Variants in PCDHGA5 observed in about 807,000 individuals in gnomAD.
PCDHGA5 encodes the protein protocadherin gamma-A5.
Under a neutral mutation model 56.7 loss-of-function variants are expected in PCDHGA5, and 36 were observed. The ratio of observed to expected loss-of-function variants is 0.64; its 90% CI spans 0.49 to 0.84. The LOEUF (loss-of-function observed/expected upper bound fraction) is 0.84, where lower values mean the gene tolerates loss of function less well. PCDHGA5 is among the 40% of genes least tolerant of loss of function. PCDHGA5 has a pLI of 0.00. For synonymous variants in PCDHGA5, 563 were observed against 520.2 expected (o/e 1.08, Z -1.12); for missense variants, 1,305 against 1,201.5 (o/e 1.09, Z -1.27).
At chr5:141,415,347 C>G in intron 1 of PCDHGA5, 1 of 1,614,238 alleles carries the variant, frequency 6.2e-7, no homozygotes, top group South Asian at 1.1e-5. Flanking sequence ...GGCGCTGGCA[C>G]AAGTCACGCC....
At chr5:141,457,929 C>T (rs1207409757) in intron 1 of PCDHGA5, among the ~76,000 whole-genome samples, 2 of 152,194 alleles carry the variant, frequency 1.3e-5, no homozygotes, top group Non-Finnish European at 2.9e-5. Context: ...CCCCAAGGGG[C>T]TTTTATTGGC....
chr5:141,465,313 T>C (rs113508011), intron 1 of PCDHGA5, among the ~76,000 whole-genome samples: 5 of 152,312 alleles, frequency 3.3e-5, no homozygotes, highest in Admixed American at 6.5e-5. Context: ...AATTTAGCCA[T>C]GTCAATGCAG....
intron 1 of PCDHGA5, among the ~76,000 whole-genome samples, chr5:141,401,496 C>T (rs909382274): frequency 6.6e-6 from 1 of 152,190 alleles, no homozygotes; most frequent in African/African-American, 2.4e-5. Context: ...GATGCAAAAT[C>T]CTTTTCCACC....
intron 1 of PCDHGA5, chr5:141,428,078 C>A (rs747287202): frequency 1.2e-6 from 2 of 1,609,216 alleles, no homozygotes; most frequent in Admixed American, 3.3e-5. Flanking sequence ...ATTCGGGACA[C>A]AACGCTTGGC....
chr5:141,477,223 T>C lies in PCDHGA5; in HGVS notation c.2422-17584T>C. The C allele has an allele frequency of 6.2e-7, 1 of 1,614,198 alleles. No homozygotes were observed. On this transcript the variant is annotated intron_variant, in intron 1 of 3. Coordinates refer to ENST00000518069, the MANE Select transcript of PCDHGA5 (RefSeq NM_018918.3). This position sits in a 1 kb window ranked among gnomAD's most constrained non-coding sequence, Gnocchi z 4.9. ...TACCCGAGGATGCCCCTCTGGGGAC[T>C]GTCATCGCTTTGCTCAGTGTGACTG... is the stretch of plus-strand genomic sequence containing the variant.
At chr5:141,404,601 T>G (rs2094545274) in intron 1 of PCDHGA5, 2 of 1,614,056 alleles carry the variant, frequency 1.2e-6, no homozygotes, top group Admixed American at 1.7e-5. Context: ...TCATTGAGAC[T>G]GTTTGTTTTG....
At chr5:141,376,753 C>A in intron 1 of PCDHGA5, 1 of 450,078 alleles carries the variant, frequency 2.2e-6, no homozygotes, top group South Asian at 2.7e-5. Flanking sequence ...GTGGCGCAAT[C>A]TCGGCTCACT....
intron 1 of PCDHGA5, chr5:141,404,392 T>C (rs759142051): frequency 3.1e-6 from 5 of 1,613,820 alleles, no homozygotes; most frequent in African/African-American, 1.3e-5. Flanking sequence ...ATGACCCTGA[T>C]AGCAATGAGA....
chr5:141,394,613 G>A (rs1402834373), intron 1 of PCDHGA5: 1 of 1,613,570 alleles, frequency 6.2e-7, no homozygotes, highest in Admixed American at 1.7e-5. Context: ...ACTCGGGCCA[G>A]AACGCCTGGC....
intron 1 of PCDHGA5, among the ~76,000 whole-genome samples, chr5:141,446,698 G>C (rs750413432): frequency 1.3e-5 from 2 of 152,070 alleles, no homozygotes; most frequent in African/African-American, 4.8e-5. Flanking sequence ...GGCTGGTCTC[G>C]AACTCTGATC....
intron 2 of PCDHGA5, among the ~76,000 whole-genome samples, chr5:141,503,682 G>A (rs1430771639): frequency 1.3e-5 from 2 of 151,974 alleles, no homozygotes; most frequent in South Asian, 4.1e-4. Flanking sequence ...CTTTTGGGAA[G>A]GAGAATTGAG....
At chr5:141,471,111 C>T (rs529680278) in intron 1 of PCDHGA5, among the ~76,000 whole-genome samples, 1 of 146,150 alleles carries the variant, frequency 6.8e-6, no homozygotes, top group African/African-American at 2.6e-5. Flanking sequence ...TGCAGTGGTG[C>T]GATCTTACCT....
Position 141,505,566 on chromosome 5 carries a change from A to G in PCDHGA5, c.2569+85A>G, listed in dbSNP as rs1363426407. 1.4e-5 allele frequency: 22 copies of G among 1,599,886 alleles called. No individual in the cohort carries two copies. In the East Asian group the frequency reaches 4.7e-4, roughly 34 times the overall value. ...CACAGCCACCATGCCCACGGACTGGATGTCAAACCTGTGTAGTTTCTCCAG... is the reference window on the plus strand; with the variant it reads ...CACAGCCACCATGCCCACGGACTGGGTGTCAAACCTGTGTAGTTTCTCCAG... On this transcript the variant is annotated intron_variant, in intron 3 of 3. Coordinates refer to ENST00000518069, the MANE Select transcript of PCDHGA5 (RefSeq NM_018918.3).
intron 1 of PCDHGA5, chr5:141,375,794 G>T (rs754100940): frequency 6.2e-7 from 1 of 1,614,170 alleles, no homozygotes; most frequent in Non-Finnish European, 8.5e-7. Context: ...CCCCACAGAC[G>T]GTTCCACTGG....
At position 141,431,389 on chromosome 5, in the gene PCDHGA5, G is replaced by A; in HGVS notation, c.2422-63418G>A. 2 of 1,613,876 alleles carry A rather than the reference G, an allele frequency of 1.2e-6. No individual in the cohort carries two copies. The highest frequency in any genetic ancestry group is 1.7e-6 in the Non-Finnish European group (2 of 1,180,040). ...GCGAAGAAAAGGCTGCTCACCACCT[G>A]GTCCTTACGGCCTCCGACGGGGGCG... On this transcript the variant is annotated intron_variant, in intron 1 of 3. Coordinates refer to ENST00000518069, the MANE Select transcript of PCDHGA5 (RefSeq NM_018918.3). This position sits in a 1 kb window ranked among gnomAD's most constrained non-coding sequence, Gnocchi z 4.8.
Position 141,431,887 on chromosome 5 carries a change from T to G in PCDHGA5, c.2422-62920T>G. ...TTTTAAATGTAAATGACCAAGATTC[T>G]GAGGAAAACGGACAGGTGATCTGTT... On this transcript the variant is annotated intron_variant, in intron 1 of 3. Transcript: ENST00000518069. The surrounding 1 kb of genome is among the most constrained non-coding windows in gnomAD (Gnocchi z 4.8). 6.2e-7 allele frequency: 1 copy of G among 1,614,190 alleles called. No individual in the cohort carries two copies. Among genetic ancestry groups the G allele is most frequent in the Non-Finnish European group, 8.5e-7 (1 of 1,179,996 alleles).
At chr5:141,500,469 AAAG>A (rs1479386829) in intron 2 of PCDHGA5, among the ~76,000 whole-genome samples, 1 of 152,052 alleles carries the variant, frequency 6.6e-6, no homozygotes, top group Non-Finnish European at 1.5e-5. Context: ...TCGGCCTCCC[AAAG>A]TGCTGGGATT....
rs934044974 is a variant in PCDHGA5, at chr5:141,476,034, C to T, written c.2422-18773C>T. 3 of 1,464,488 alleles carry T rather than the reference C, an allele frequency of 2.0e-6. No individual in the cohort carries two copies. The highest frequency in any genetic ancestry group is 2.3e-5 in the Admixed American group (1 of 44,364). The allele number at this position is 1,464,488 out of a possible 1,614,324, so 90.7% of individuals were successfully genotyped here. A position where few individuals can be genotyped will look rare whatever the true frequency, so the allele number is the denominator to read the frequency against. On this transcript the variant is annotated intron_variant, in intron 1 of 3. Transcript: ENST00000518069. The surrounding 1 kb of genome is among the most constrained non-coding windows in gnomAD (Gnocchi z 7.6). ...CCATGTCGGACTCGGCGCCCAGCGC[C>T]CAAGCGCTAACCCGCTGAAAGTTTC...
At chr5:141,467,987 A>G (rs888811899) in intron 1 of PCDHGA5, among the ~76,000 whole-genome samples, 10 of 152,216 alleles carry the variant, frequency 6.6e-5, no homozygotes, top group Non-Finnish European at 8.8e-5. Flanking sequence ...TCAGAAAACC[A>G]CAATTCTTTC....
Sources: gnomAD v4.1 joint callset for allele counts (sites outside exome capture counted in the v4.1 genomes callset) on GRCh38, gnomAD v4.1.1 for gene constraint, Gnocchi (gnomAD v3.1) non-coding constraint, MANE v1.5 for transcripts, NCBI Gene and HGNC (gene_info 2026-07-23, HGNC 2026-07-21) for gene names.